Variants in RORA observed in about 807,000 individuals in gnomAD.
RORA encodes the protein nuclear receptor ROR-alpha.
A neutral mutation model predicts 69.5 loss-of-function variants in RORA; 7 were observed. That is an observed-to-expected ratio of 0.10 (90% CI 0.06 to 0.19). The LOEUF (loss-of-function observed/expected upper bound fraction) is 0.19. Ranked by LOEUF, RORA falls within the 10% of genes least tolerant of loss-of-function variation. RORA has a pLI of 1.00. For missense variants in RORA, 457 were observed against 663.0 expected (o/e 0.69, Z 3.41); for synonymous variants, 261 against 240.8 (o/e 1.08, Z -0.78).
chr15:60,565,997 A>T (rs1480148160), intron 2 of RORA, among the ~76,000 whole-genome samples: 1 of 152,240 alleles, frequency 6.6e-6, no homozygotes, highest in Non-Finnish European at 1.5e-5. Context: ...ATGCAAAGTT[A>T]ATAACAGAGA....
chr15:61,215,669 T>G (rs7163454), intron 1 of RORA, among the ~76,000 whole-genome samples: 4,649 of 152,344 alleles, frequency 0.031, 229 homozygotes, highest in African/African-American at 0.11. Context: ...TATTTATATA[T>G]GTGGCTGTGT....
intron 1 of RORA, among the ~76,000 whole-genome samples, chr15:61,030,822 A>G (rs811946): frequency 0.066 from 9,984 of 152,254 alleles, 380 homozygotes; most frequent in East Asian, 0.15. Context: ...ACTTTATAGT[A>G]TCTCTTCCCC....
intron 1 of RORA, among the ~76,000 whole-genome samples, chr15:61,169,153 T>C (rs1179368563): frequency 1.3e-5 from 2 of 151,940 alleles, no homozygotes; most frequent in Non-Finnish European, 2.9e-5. Context: ...TCCCCTAGCA[T>C]ATGCCAAGTC....
At chr15:60,555,473 C>T (rs892553513) in intron 2 of RORA, among the ~76,000 whole-genome samples, 2 of 152,162 alleles carry the variant, frequency 1.3e-5, no homozygotes, top group African/African-American at 4.8e-5. Context: ...CTGTACTACT[C>T]GAGGAACCCT....
intron 1 of RORA, among the ~76,000 whole-genome samples, chr15:60,735,974 T>A (rs937620604): frequency 6.6e-6 from 1 of 152,210 alleles, no homozygotes; most frequent in East Asian, 1.9e-4. Flanking sequence ...GATGTACCCA[T>A]GCCCTTCACA....
intron 1 of RORA, among the ~76,000 whole-genome samples, chr15:60,726,697 G>A (rs1834334): frequency 0.36 from 55,055 of 152,108 alleles, 11,304 homozygotes; most frequent in Non-Finnish European, 0.47. Flanking sequence ...GTCTAGGGGC[G>A]GGTGGGTATG....
intron 1 of RORA, among the ~76,000 whole-genome samples, chr15:60,976,332 C>T (rs898325419): frequency 6.6e-5 from 10 of 152,162 alleles, no homozygotes; most frequent in Admixed American, 1.3e-4. Context: ...CATCCCCCAT[C>T]TGCATAATAT....
chr15:60,716,300 T>C (rs973648916), intron 1 of RORA, among the ~76,000 whole-genome samples: 1 of 152,236 alleles, frequency 6.6e-6, no homozygotes, highest in Admixed American at 6.5e-5. Flanking sequence ...CCATATTCCC[T>C]GTGAATCTTC....
intron 1 of RORA, among the ~76,000 whole-genome samples, chr15:61,107,018 G>T (rs114580798): frequency 6.6e-6 from 1 of 152,242 alleles, no homozygotes; most frequent in African/African-American, 2.4e-5. Flanking sequence ...ACATCATCCT[G>T]AACATGGTCA....
intron 1 of RORA, among the ~76,000 whole-genome samples, chr15:60,775,786 T>G (rs1230558868): frequency 6.6e-6 from 1 of 152,222 alleles, no homozygotes; most frequent in Non-Finnish European, 1.5e-5. Flanking sequence ...AAGATGAATA[T>G]GCTTATGGGA....
At chr15:60,585,477 C>T (rs1364323624) in intron 2 of RORA, among the ~76,000 whole-genome samples, 5 of 152,000 alleles carry the variant, frequency 3.3e-5, no homozygotes, top group African/African-American at 1.2e-4. Flanking sequence ...TTATTACCCC[C>T]CAAAAGCTAC....
chr15:60,639,347 T>C (rs2069899689), intron 2 of RORA, among the ~76,000 whole-genome samples: 2 of 152,106 alleles, frequency 1.3e-5, no homozygotes, highest in African/African-American at 4.8e-5. Context: ...ATGCTTATTT[T>C]CCCTTCTTAG....
At chr15:60,950,955 G>C (rs1254734265) in intron 1 of RORA, among the ~76,000 whole-genome samples, 1 of 150,362 alleles carries the variant, frequency 6.7e-6, no homozygotes, top group Non-Finnish European at 1.5e-5. Flanking sequence ...GACATCTACA[G>C]AACTCTCCAC....
At chr15:60,712,159 A>C (rs2071153353) in intron 1 of RORA, among the ~76,000 whole-genome samples, 1 of 152,138 alleles carries the variant, frequency 6.6e-6, no homozygotes, top group African/African-American at 2.4e-5. Context: ...CATTGCATTA[A>C]TTTGGGGATG....
At chr15:60,533,935 A>C (rs1364773240) in intron 2 of RORA, among the ~76,000 whole-genome samples, 1 of 152,218 alleles carries the variant, frequency 6.6e-6, no homozygotes, top group African/African-American at 2.4e-5. Context: ...AAACTACCTG[A>C]CGCTAAACTT....
chr15:60,785,989 T>C (rs1478601425), intron 1 of RORA, among the ~76,000 whole-genome samples: 3 of 152,202 alleles, frequency 2.0e-5, no homozygotes, highest in Non-Finnish European at 4.4e-5. Context: ...AACTATTTGT[T>C]AGGCACTAAA....
chr15:60,798,638 G>T (rs1007935255), intron 1 of RORA, among the ~76,000 whole-genome samples: 3 of 151,988 alleles, frequency 2.0e-5, no homozygotes, highest in Non-Finnish European at 4.4e-5. Context: ...CAAGCCTGGA[G>T]CCATGGGAAG....
At position 61,088,324 on chromosome 15, in the gene RORA, GT is replaced by G. The variant is rs140847031; in HGVS notation, c.166+140728del. On this transcript the variant is annotated intron_variant, in intron 1 of 10. Transcript: ENST00000335670. ...TAAGCAAAGAAAAGTGTGTGCATGT[GT>G]GTGTCTCTGTGTTTGTGTTTGCCTC... Among the ~76,000 whole-genome samples, 49 of 152,356 alleles carry G rather than the reference GT, an allele frequency of 3.2e-4. 1 individual carries two copies. Among genetic ancestry groups the G allele is most frequent in the African/African-American group, 1.1e-3 (45 of 41,586 alleles).
At chr15:61,007,069 G>A (rs531510938) in intron 1 of RORA, among the ~76,000 whole-genome samples, 2 of 152,040 alleles carry the variant, frequency 1.3e-5, no homozygotes, top group South Asian at 2.1e-4. Flanking sequence ...TTACCTTCAA[G>A]CAGAAAGACA....
Sources: allele counts gnomAD v4.1 joint callset (sites outside exome capture counted in the v4.1 genomes callset), GRCh38; gene constraint gnomAD v4.1.1; transcripts MANE v1.5; gene names NCBI Gene and HGNC (gene_info 2026-07-23, HGNC 2026-07-21).